GRID2: variants seen among roughly 807,000 people sequenced by gnomAD.
GRID2 encodes the protein glutamate receptor ionotropic, delta-2.
Under a neutral mutation model 114.8 loss-of-function variants are expected in GRID2, and 33 were observed. The ratio of observed to expected loss-of-function variants is 0.29; its 90% CI spans 0.22 to 0.38. The LOEUF (loss-of-function observed/expected upper bound fraction) is 0.38, where lower values mean the gene tolerates loss of function less well. GRID2 is among the 10% of genes least tolerant of loss of function. The pLI is 1.00. For synonymous variants in GRID2, 505 were observed against 449.9 expected, an observed-to-expected ratio of 1.12 and a Z score of -1.55; for missense variants, 1,184 against 1,257.7, an observed-to-expected ratio of 0.94 and a Z score of 0.89.
intron 13 of GRID2, among the ~76,000 whole-genome samples, chr4:93,592,420 G>C (rs1738465946): frequency 6.6e-6 from 1 of 152,158 alleles, no homozygotes; most frequent in Non-Finnish European, 1.5e-5. Context: ...TGGTCTGAGA[G>C]GTAGTTTGTT....
At chr4:93,209,773 G>A (rs1377316135) in intron 5 of GRID2, among the ~76,000 whole-genome samples, 1 of 151,902 alleles carries the variant, frequency 6.6e-6, no homozygotes, top group Non-Finnish European at 1.5e-5. Context: ...GTTATTTTTT[G>A]ACTTTTTAAT....
At chr4:92,531,303 G>A (rs566962199) in intron 1 of GRID2, among the ~76,000 whole-genome samples, 44 of 152,008 alleles carry the variant, frequency 2.9e-4, no homozygotes, top group Non-Finnish European at 5.3e-4. Context: ...AGATGACCAC[G>A]AGATATTCAG....
chr4:92,773,868 T>C (rs1161547028), intron 2 of GRID2, among the ~76,000 whole-genome samples: 1 of 152,078 alleles, frequency 6.6e-6, no homozygotes, highest in Non-Finnish European at 1.5e-5. Context: ...AATTATCCTG[T>C]CATATTTGCA....
chr4:92,751,764 A>G (rs1325322463), intron 2 of GRID2, among the ~76,000 whole-genome samples: 2 of 152,224 alleles, frequency 1.3e-5, no homozygotes, highest in African/African-American at 4.8e-5. Context: ...AGTCATTTCA[A>G]CATTCTAGTA....
chr4:93,107,329 T>C (rs1732334401), intron 3 of GRID2, among the ~76,000 whole-genome samples: 1 of 151,974 alleles, frequency 6.6e-6, no homozygotes, highest in African/African-American at 2.4e-5. Flanking sequence ...AAATTCTTCA[T>C]TTACAGTTGA....
chr4:92,814,737 G>C (rs1444957411), intron 2 of GRID2, among the ~76,000 whole-genome samples: 1 of 152,120 alleles, frequency 6.6e-6, no homozygotes, highest in Admixed American at 6.6e-5. Context: ...ACTTAAGGGG[G>C]TGTGGAAGAT....
chr4:93,147,930 A>G (rs1736406758), intron 4 of GRID2, among the ~76,000 whole-genome samples: 1 of 152,208 alleles, frequency 6.6e-6, no homozygotes, highest in African/African-American at 2.4e-5. Context: ...ACAGGAATCC[A>G]GGAAACTGGA....
chr4:93,803,019 C>G (rs1176209585), intron 1 of GRID2, among the ~76,000 whole-genome samples: 1 of 152,198 alleles, frequency 6.6e-6, no homozygotes, highest in East Asian at 1.9e-4. Flanking sequence ...CTTGTTTGAA[C>G]ATAGAAAGTG....
At chr4:93,680,773 G>A (rs988532752) in intron 14 of GRID2, among the ~76,000 whole-genome samples, 14 of 151,924 alleles carry the variant, frequency 9.2e-5, no homozygotes, top group East Asian at 3.9e-4. Context: ...TTGATGGGAC[G>A]TATCTCAAAA....
chr4:93,722,285 A>T (rs536210538), intron 14 of GRID2, among the ~76,000 whole-genome samples: 2 of 152,128 alleles, frequency 1.3e-5, no homozygotes, highest in Non-Finnish European at 2.9e-5. Flanking sequence ...TATCACATTT[A>T]ACCCCACCCC....
chr4:93,047,565 T>C (rs1296126209), intron 2 of GRID2, among the ~76,000 whole-genome samples: 1 of 152,214 alleles, frequency 6.6e-6, no homozygotes, highest in East Asian at 1.9e-4. Context: ...CTGGCATTGC[T>C]GGCAATAATT....
At chr4:92,347,377 T>C (rs1054350801) in intron 1 of GRID2, among the ~76,000 whole-genome samples, 3 of 152,204 alleles carry the variant, frequency 2.0e-5, no homozygotes, top group Admixed American at 6.5e-5. Flanking sequence ...GGTGGCTTAT[T>C]TGCTAGTGAG....
intron 4 of GRID2, among the ~76,000 whole-genome samples, chr4:93,124,328 C>T (rs1013697907): frequency 5.3e-5 from 8 of 151,858 alleles, no homozygotes; most frequent in African/African-American, 1.9e-4. Flanking sequence ...ACATAAGAAG[C>T]CAGGAGAATA....
intron 14 of GRID2, among the ~76,000 whole-genome samples, chr4:93,679,446 A>G (rs1204249426): frequency 2.0e-5 from 3 of 150,656 alleles, no homozygotes; most frequent in East Asian, 3.9e-4. Flanking sequence ...CATCTACAGA[A>G]CTCTCCACCC....
chr4:92,915,238 A>G (rs995338775), intron 2 of GRID2, among the ~76,000 whole-genome samples: 2 of 152,126 alleles, frequency 1.3e-5, no homozygotes, highest in African/African-American at 4.8e-5. Flanking sequence ...CCCTTGACAC[A>G]TGGGGATTAT....
chr4:92,991,856 AAAAC>A (rs1483886175), intron 2 of GRID2, among the ~76,000 whole-genome samples: 28 of 152,230 alleles, frequency 1.8e-4, no homozygotes, highest in Non-Finnish European at 2.2e-4. Context: ...CTCTTAAACC[AAAAC>A]AAACAAACAA....
intron 10 of GRID2, among the ~76,000 whole-genome samples, chr4:93,454,454 T>C (rs1373537254): frequency 1.3e-5 from 2 of 151,880 alleles, no homozygotes; most frequent in Non-Finnish European, 2.9e-5. Context: ...ACTTACGAAA[T>C]GGAGAGGAAA....
chr4:93,116,725 C>T (rs938395712), intron 4 of GRID2, among the ~76,000 whole-genome samples: 1 of 150,770 alleles, frequency 6.6e-6, no homozygotes, highest in South Asian at 2.1e-4. Context: ...TGGGAAATAT[C>T]TTGAAGTAAC....
chr4:92,601,084 G>A (rs901799941), intron 2 of GRID2, among the ~76,000 whole-genome samples: 8 of 152,142 alleles, frequency 5.3e-5, no homozygotes, highest in Non-Finnish European at 1.0e-4. Context: ...GCCTGAAGTT[G>A]CTGAAATTCC....
Sources: allele counts gnomAD v4.1 joint callset (sites outside exome capture counted in the v4.1 genomes callset), GRCh38; gene constraint gnomAD v4.1.1; transcripts MANE v1.5; gene names NCBI Gene and HGNC (gene_info 2026-07-23, HGNC 2026-07-21).